Variants in HUNK observed in about 807,000 individuals in gnomAD.
The protein encoded by HUNK is hormonally up-regulated neu tumor-associated kinase.
HUNK carries 21 observed loss-of-function variants against 61.0 expected under a neutral mutation model. The observed-to-expected ratio is 0.34, with a 90% CI of 0.24 to 0.50. The LOEUF (loss-of-function observed/expected upper bound fraction) is 0.50, where lower values mean the gene tolerates loss of function less well. HUNK is among the 20% of genes least tolerant of loss of function. The pLI, the probability that HUNK is intolerant of heterozygous loss-of-function variation, is 0.98. For missense variants in HUNK, 772 were observed against 945.7 expected, an observed-to-expected ratio of 0.82 and a Z score of 2.41; for synonymous variants, 371 against 386.1, an observed-to-expected ratio of 0.96 and a Z score of 0.46.
chr21:31,997,752 A>G (rs1226074698), intron 10 of HUNK, among the ~76,000 whole-genome samples: 1 of 152,180 alleles, frequency 6.6e-6, no homozygotes, highest in Non-Finnish European at 1.5e-5. Flanking sequence ...AATTTTTTAA[A>G]TGTCACAAGG....
chr21:31,922,389 CA>C (rs979333896), intron 1 of HUNK, among the ~76,000 whole-genome samples: 11 of 150,478 alleles, frequency 7.3e-5, no homozygotes, highest in African/African-American at 2.7e-4. Flanking sequence ...TGCAATGGCA[CA>C]ATCTTGGCTC....
intron 1 of HUNK, among the ~76,000 whole-genome samples, chr21:31,916,090 G>T (rs866697074): frequency 2.7e-5 from 3 of 112,396 alleles, no homozygotes; most frequent in Non-Finnish European, 4.9e-5. Context: ...TCGCTCTGTC[G>T]CCCAGGCTGG....
rs539652834 is a variant in HUNK at position 31,998,855 on chromosome 21, G to C, written c.1816G>C (p.Gly606Arg). Residue 606 changes from glycine to arginine, a missense_variant, in exon 11 of 11, where the codon GGA (glycine) becomes CGA (arginine). By Grantham distance (125) the Gly-to-Arg change is moderately radical (BLOSUM62 -2). This residue lies in a region of HUNK where 413 missense variants were observed against 444.4 expected (regional missense o/e 0.93). Transcript: ENST00000270112. Reference sequence around the variant, plus strand: ...GACGCTGTCCCCGGGTCTGCCATCCGGAAGCATGTCGCCTCTCCATACTCC... The same window carrying C: ...GACGCTGTCCCCGGGTCTGCCATCCCGAAGCATGTCGCCTCTCCATACTCC... Reference protein sequence around the residue: ...ERTLSPGLPSGSMSPLHTPLH... With the variant: ...ERTLSPGLPSRSMSPLHTPLH... The C allele has an allele frequency of 1.2e-6, 2 of 1,614,160 alleles. No homozygotes were observed. The highest frequency in any genetic ancestry group is 1.7e-6 in the Non-Finnish European group (2 of 1,180,034).
chr21:31,951,653 G>GA (rs1047673879), intron 4 of HUNK, among the ~76,000 whole-genome samples: 81 of 151,520 alleles, frequency 5.3e-4, no homozygotes, highest in African/African-American at 1.8e-3. Flanking sequence ...TCACATAGTG[G>GA]AAAAAAAAAT....
At chr21:31,952,326 G>A (rs2052855946) in intron 4 of HUNK, among the ~76,000 whole-genome samples, 8 of 152,148 alleles carry the variant, frequency 5.3e-5, no homozygotes, top group Admixed American at 3.9e-4. Context: ...TTTTTCCAAG[G>A]CATTTCCTTT....
intron 2 of HUNK, among the ~76,000 whole-genome samples, chr21:31,932,510 C>G (rs908065850): frequency 7.2e-5 from 11 of 152,134 alleles, no homozygotes; most frequent in Non-Finnish European, 5.9e-5. Flanking sequence ...TAGTCATGGC[C>G]TGTTTGCATG....
At chr21:31,892,796 A>C (rs1449806480) in intron 1 of HUNK, among the ~76,000 whole-genome samples, 1 of 152,094 alleles carries the variant, frequency 6.6e-6, no homozygotes. Context: ...TCTTCCGTCA[A>C]CACCTCCCTG....
intron 1 of HUNK, among the ~76,000 whole-genome samples, chr21:31,879,460 G>A (rs1398392598): frequency 6.6e-6 from 1 of 152,194 alleles, no homozygotes; most frequent in African/African-American, 2.4e-5. Flanking sequence ...ATGGAAATTG[G>A]CACGTAGGGC....
chr21:31,984,458 C>A (rs2053119405), intron 8 of HUNK, among the ~76,000 whole-genome samples: 1 of 152,132 alleles, frequency 6.6e-6, no homozygotes, highest in South Asian at 2.1e-4. Flanking sequence ...CACGTGGCAT[C>A]AGAAGAAAGT....
intron 1 of HUNK, among the ~76,000 whole-genome samples, chr21:31,917,741 CACACACACACACACA>C (rs1568924769): frequency 2.1e-5 from 3 of 145,718 alleles, no homozygotes; most frequent in Non-Finnish European, 3.0e-5. Context: ...CACACACACA[CACACACACACACACA>C]CCCCTGGACT....
intron 5 of HUNK, among the ~76,000 whole-genome samples, chr21:31,964,357 G>A (rs1357835797): frequency 6.6e-6 from 1 of 152,224 alleles, no homozygotes; most frequent in Admixed American, 6.5e-5. Context: ...ACACTAATGT[G>A]AAAAGTCTGA....
At chr21:31,915,779 G>C (rs575784159) in intron 1 of HUNK, among the ~76,000 whole-genome samples, 5 of 152,146 alleles carry the variant, frequency 3.3e-5, no homozygotes, top group African/African-American at 1.2e-4. Context: ...TGAGAGACTC[G>C]CCTGATAGGA....
intron 1 of HUNK, among the ~76,000 whole-genome samples, chr21:31,892,506 G>A (rs2052397771): frequency 6.7e-6 from 1 of 149,138 alleles, no homozygotes; most frequent in Admixed American, 6.7e-5. Flanking sequence ...GGAGGCGGAG[G>A]TTGCAGTGAG....
intron 1 of HUNK, among the ~76,000 whole-genome samples, chr21:31,907,824 TACTAAAAATACAA>T (rs747960955): frequency 1.4e-4 from 21 of 152,034 alleles, no homozygotes; most frequent in Non-Finnish European, 3.1e-4. Context: ...ACCTTGTCTC[TACTAAAAATACAA>T]AAATTAGCCA....
intron 2 of HUNK, among the ~76,000 whole-genome samples, chr21:31,937,584 G>A (rs2052740854): frequency 6.6e-6 from 1 of 152,184 alleles, no homozygotes; most frequent in East Asian, 1.9e-4. Context: ...ACTGCACAAG[G>A]ACTCAAAAAG....
intron 9 of HUNK, among the ~76,000 whole-genome samples, chr21:31,990,432 T>C (rs2053164124): frequency 6.6e-6 from 1 of 152,104 alleles, no homozygotes; most frequent in Non-Finnish European, 1.5e-5. Context: ...TTTTTTTTTT[T>C]TTAAAGCCGT....
chr21:31,975,128 A>G (rs565848579), intron 7 of HUNK, among the ~76,000 whole-genome samples: 8 of 152,178 alleles, frequency 5.3e-5, no homozygotes, highest in East Asian at 3.9e-4. Context: ...GGTATTATAT[A>G]TGAGAAAGCC....
chr21:31,933,210 C>T (rs1001174568), intron 2 of HUNK, among the ~76,000 whole-genome samples: 3 of 152,106 alleles, frequency 2.0e-5, no homozygotes, highest in African/African-American at 7.2e-5. Flanking sequence ...GCCACCATGC[C>T]TGGCCCTGCA....
At chr21:31,904,611 T>C (rs574120264) in intron 1 of HUNK, among the ~76,000 whole-genome samples, 8 of 152,350 alleles carry the variant, frequency 5.3e-5, no homozygotes, top group Non-Finnish European at 7.3e-5. Context: ...TTGAGTCATG[T>C]TGCTTCCTCT....
Sources: allele counts gnomAD v4.1 joint callset (sites outside exome capture counted in the v4.1 genomes callset), GRCh38; gene constraint gnomAD v4.1.1; regional missense constraint gnomAD v4.1.1; transcripts MANE v1.5; gene names NCBI Gene and HGNC (gene_info 2026-07-23, HGNC 2026-07-21).